The following NPC1 variants were observed in gnomAD, a reference collection of about 807,000 sequenced individuals.
NPC1 encodes Niemann-Pick C1 protein.
Under a neutral mutation model 140.4 loss-of-function variants are expected in NPC1, and 85 were observed. That is an observed-to-expected ratio of 0.61 (90% CI 0.51 to 0.72). The LOEUF (loss-of-function observed/expected upper bound fraction) is 0.72. Ranked by LOEUF, NPC1 falls within the 30% of genes least tolerant of loss-of-function variation. NPC1 has a pLI of 0.00. For missense variants in NPC1, 1,504 were observed against 1,623.8 expected (o/e 0.93, Z 1.27); for synonymous variants, 656 against 624.8 (o/e 1.05, Z -0.74).
downstream of NPC1, chr18:23,531,386 A>G (rs1046554014): frequency 5.9e-6 from 4 of 681,338 alleles, no homozygotes; most frequent in African/African-American, 5.4e-5. Context: ...TTCTAGGTCT[A>G]TTTCTAGCTC....
chr18:23,511,611 T>G (rs1241225762), intron 3 of NPC1, among the ~76,000 whole-genome samples: 1 of 152,104 alleles, frequency 6.6e-6, no homozygotes, highest in Non-Finnish European at 1.5e-5. Context: ...AAACTTCTTT[T>G]TAACAAAAAG....
intron 1 of NPC1, chr18:23,524,060 G>A: frequency 6.8e-7 from 1 of 1,462,122 alleles, no homozygotes; most frequent in South Asian, 1.1e-5. Flanking sequence ...ATTGACTTTT[G>A]TGTCATAAGT....
exon 4 of NPC1, chr18:23,506,287 C>G (rs373205450): frequency 3.3e-5 from 5 of 151,876 alleles, no homozygotes; most frequent in African/African-American, 1.2e-4. Context: ...ACCCATGAAA[C>G]CATCACCACA....
At chr18:23,523,402 T>C (rs2058195990) in intron 1 of NPC1, among the ~76,000 whole-genome samples, 1 of 151,888 alleles carries the variant, frequency 6.6e-6, no homozygotes, top group Non-Finnish European at 1.5e-5. Context: ...CAATGGATAA[T>C]CGAACTAATT....
chr18:23,511,653 C>CTT, intron 3 of NPC1, among the ~76,000 whole-genome samples: 1 of 141,142 alleles, frequency 7.1e-6, no homozygotes, highest in Non-Finnish European at 1.6e-5. Flanking sequence ...TTGCAGCTAG[C>CTT]TTTTTTTTTT....
chr18:23,536,608 T>TC (rs1409211208), intron 21 of NPC1, 65 bp downstream of exon 21: 3 of 1,428,750 alleles, frequency 2.1e-6, no homozygotes, highest in South Asian at 1.2e-5. Context: ...AAGGGAACCC[T>TC]CCCCACTCCC....
At chr18:23,525,717 C>G (rs1019389587), downstream of NPC1, among the ~76,000 whole-genome samples, 2 of 152,166 alleles carry the variant, frequency 1.3e-5, no homozygotes, top group Non-Finnish European at 2.9e-5. Flanking sequence ...GCCACCACAG[C>G]CGGCCTATAA....
chr18:23,509,000 G>T (rs1343157975), intron 3 of NPC1, among the ~76,000 whole-genome samples: 8 of 152,242 alleles, frequency 5.3e-5, no homozygotes, highest in Middle Eastern at 6.8e-3. Flanking sequence ...TAGGATTCAG[G>T]TTCTTGAATG....
intron 4 of NPC1, among the ~76,000 whole-genome samples, chr18:23,567,131 C>A (rs754002866): frequency 3.9e-5 from 6 of 152,204 alleles, no homozygotes; most frequent in Non-Finnish European, 8.8e-5. Flanking sequence ...ATGGACAAAG[C>A]TGCTACAAAT....
chr18:23,512,996 C>A (rs2057903458), intron 3 of NPC1, among the ~76,000 whole-genome samples: 2 of 151,994 alleles, frequency 1.3e-5, no homozygotes. Context: ...CTCTGTTGCC[C>A]AGGCTGGAGT....
chr18:23,540,015 A>G lies in NPC1; in HGVS notation c.2605-14T>C. The G allele has an allele frequency of 6.2e-7, 1 of 1,608,014 alleles. No individual in the cohort carries two copies. The highest frequency in any genetic ancestry group is 8.5e-7 in the Non-Finnish European group (1 of 1,174,498). On this transcript the variant is annotated splice_polypyrimidine_tract_variant and intron_variant, in intron 17 of 24. Transcript: ENST00000269228. Reference sequence around the variant, plus strand: ...CATGTAGGAGTCCTGAAAGAAAGATAAAAGAATAGGAGAGAGTGTGAACAC... The same window carrying G: ...CATGTAGGAGTCCTGAAAGAAAGATGAAAGAATAGGAGAGAGTGTGAACAC...
chr18:23,527,950 C>G, downstream of NPC1: 1 of 1,413,594 alleles, frequency 7.1e-7, no homozygotes, highest in Non-Finnish European at 9.7e-7. Context: ...CACCCCCTCC[C>G]GGGTATTTTC....
At chr18:23,546,879 T>C (rs1054603336) in intron 11 of NPC1, among the ~76,000 whole-genome samples, 6 of 152,198 alleles carry the variant, frequency 3.9e-5, no homozygotes, top group African/African-American at 1.4e-4. Context: ...GTACAGAGTT[T>C]TATTGTGGAG....
chr18:23,529,210 C>T (rs1461975214), downstream of NPC1: 11 of 1,613,822 alleles, frequency 6.8e-6, no homozygotes, highest in Middle Eastern at 1.6e-4. Flanking sequence ...CGAAGCAGCC[C>T]GCTCCTCAAG....
chr18:23,540,123 C>G (rs2145375103), intron 17 of NPC1, 122 bp from the exon 18 acceptor site: 1 of 827,740 alleles, frequency 1.2e-6, no homozygotes, highest in Non-Finnish European at 2.0e-6. Context: ...TCCAGCTGGA[C>G]TCATGATTCC....
Position 23,532,316 on chromosome 18 carries a change from G to A in NPC1, c.3755-32C>T, listed in dbSNP as rs1306899486. 5 of 1,613,024 alleles carry A rather than the reference G, an allele frequency of 3.1e-6. No individual in the cohort carries two copies. In the African/African-American group the frequency reaches 6.7e-5, roughly 22 times the overall value. ...GAGAGAGAGACTTTTTCTTATTTCT[G>A]CAGGAGAAAGGGAGCTAGTTGGCTG... On this transcript the variant is annotated intron_variant, in intron 24 of 24. Transcript: ENST00000269228.
At chr18:23,579,651 G>A (rs2059333620) in intron 1 of NPC1, among the ~76,000 whole-genome samples, 1 of 152,126 alleles carries the variant, frequency 6.6e-6, no homozygotes. Flanking sequence ...AGCACTTTGG[G>A]AGGCCGAGGT....
At chr18:23,515,686 C>A in intron 3 of NPC1, among the ~76,000 whole-genome samples, 1 of 152,164 alleles carries the variant, frequency 6.6e-6, no homozygotes, top group East Asian at 1.9e-4. Flanking sequence ...GCATGTGCCA[C>A]CACGCCTGGC....
At chr18:23,508,462 T>C (rs2057768165) in intron 3 of NPC1, among the ~76,000 whole-genome samples, 1 of 152,210 alleles carries the variant, frequency 6.6e-6, no homozygotes, top group African/African-American at 2.4e-5. Flanking sequence ...CTTTGTCTTG[T>C]CCTTACTCTT....
Sources: gnomAD v4.1 joint callset for allele counts (sites outside exome capture counted in the v4.1 genomes callset) on GRCh38, gnomAD v4.1.1 for gene constraint, MANE v1.5 for transcripts, NCBI Gene and HGNC (gene_info 2026-07-23, HGNC 2026-07-21) for gene names.